The following ZC3H12B variants were observed in gnomAD, a reference collection of about 807,000 sequenced individuals.
ZC3H12B encodes the protein probable ribonuclease ZC3H12B.
A neutral mutation model predicts 43.9 loss-of-function variants in ZC3H12B; 7 were observed. That is an observed-to-expected ratio of 0.16 (90% CI 0.09 to 0.30). The LOEUF (loss-of-function observed/expected upper bound fraction) is 0.30. ZC3H12B is among the 10% of genes least tolerant of loss of function. The probability of loss-of-function intolerance (pLI) is 1.00; values close to 1 mark genes in which losing one functional copy is unlikely to be tolerated. For missense variants in ZC3H12B, 475 were observed against 670.2 expected, an observed-to-expected ratio of 0.71 and a Z score of 3.22; for synonymous variants, 222 against 241.7, an observed-to-expected ratio of 0.92 and a Z score of 0.76.
the ZC3H12B span, among the ~76,000 whole-genome samples, chrX:65,053,678 G>A: frequency 5.4e-5 from 6 of 111,273 alleles, no homozygotes; most frequent in African/African-American, 1.6e-4. Flanking sequence ...CTGAGGAATC[G>A]CCACACTGAC....
intron 3 of ZC3H12B, among the ~76,000 whole-genome samples, chrX:65,451,014 C>G (rs149107990): frequency 1.0e-3 from 112 of 107,038 alleles, no homozygotes; most frequent in African/African-American, 3.8e-3. Flanking sequence ...GTGGTGCGAT[C>G]TCACCTCACT....
the ZC3H12B span, among the ~76,000 whole-genome samples, chrX:65,141,777 A>G: frequency 9.0e-6 from 1 of 111,259 alleles, no homozygotes; most frequent in Non-Finnish European, 1.9e-5. Flanking sequence ...TTGGTTTTCC[A>G]TTCCTGAGTT....
At chrX:65,334,082 C>T in the ZC3H12B span, among the ~76,000 whole-genome samples, 1 of 111,832 alleles carries the variant, frequency 8.9e-6, no homozygotes, top group African/African-American at 3.2e-5. Flanking sequence ...TGATGTCAAA[C>T]CTAATTCTTA....
chrX:65,142,425 T>C, the ZC3H12B span, among the ~76,000 whole-genome samples: 1 of 112,505 alleles, frequency 8.9e-6, no homozygotes, highest in African/African-American at 3.2e-5. Context: ...ATGTATGGAT[T>C]GTTAAAGAAT....
intron 2 of ZC3H12B, among the ~76,000 whole-genome samples, chrX:65,384,360 G>A (rs781044404): frequency 3.6e-5 from 4 of 110,601 alleles, no homozygotes; most frequent in South Asian, 3.9e-4. Context: ...CACACTCCGG[G>A]GACTGTTGTG....
At chrX:65,258,512 C>T in the ZC3H12B span, among the ~76,000 whole-genome samples, 2 of 111,589 alleles carry the variant, frequency 1.8e-5, no homozygotes, top group African/African-American at 6.5e-5. Flanking sequence ...TGGAAGAAGA[C>T]AAGGATGTGC....
the ZC3H12B span, among the ~76,000 whole-genome samples, chrX:65,166,313 C>T: frequency 0.083 from 9,164 of 110,755 alleles, 1,021 homozygotes; most frequent in African/African-American, 0.29. Flanking sequence ...TCTGTCCTTG[C>T]GATAGTTTCC....
the ZC3H12B span, among the ~76,000 whole-genome samples, chrX:65,330,326 G>T: frequency 9.0e-6 from 1 of 111,584 alleles, no homozygotes. Flanking sequence ...GGGTTTTCTA[G>T]ATATACAATC....
the ZC3H12B span, among the ~76,000 whole-genome samples, chrX:65,060,863 G>A: frequency 1.8e-5 from 2 of 111,557 alleles, no homozygotes; most frequent in Non-Finnish European, 3.8e-5. Flanking sequence ...TTCAATGTTT[G>A]GTAGAAATCA....
At chrX:65,043,680 CA>C in the ZC3H12B span, among the ~76,000 whole-genome samples, 1 of 110,914 alleles carries the variant, frequency 9.0e-6, no homozygotes, top group South Asian at 3.7e-4. Context: ...AGAGGTAAAG[CA>C]AAACAATTTC....
At chrX:65,279,361 TTTGG>T in the ZC3H12B span, among the ~76,000 whole-genome samples, 1 of 108,835 alleles carries the variant, frequency 9.2e-6, no homozygotes. Context: ...TGGTATTAAT[TTTGG>T]TTTGATTTGC....
the ZC3H12B span, among the ~76,000 whole-genome samples, chrX:65,246,480 T>C: frequency 8.9e-6 from 1 of 111,813 alleles, no homozygotes; most frequent in South Asian, 3.7e-4. Context: ...AGAATAAAGC[T>C]GGAGGCATAA....
At chrX:65,093,219 T>C in the ZC3H12B span, among the ~76,000 whole-genome samples, 3 of 111,470 alleles carry the variant, frequency 2.7e-5, no homozygotes, top group African/African-American at 9.8e-5. Flanking sequence ...TCAGAAGATG[T>C]ATGGAAAAGC....
the ZC3H12B span, among the ~76,000 whole-genome samples, chrX:65,073,729 G>A: frequency 5.1e-4 from 57 of 111,937 alleles, no homozygotes; most frequent in African/African-American, 1.8e-3. Flanking sequence ...GTCCGTGGTG[G>A]GAGAGGGGTC....
intron 3 of ZC3H12B, among the ~76,000 whole-genome samples, chrX:65,477,565 AAGGTGGGTGGAT>A (rs2068010583): frequency 9.0e-6 from 1 of 111,374 alleles, no homozygotes; most frequent in Non-Finnish European, 1.9e-5. Context: ...TTGGGAGGCC[AAGGTGGGTGGAT>A]CACCTGAGGT....
the ZC3H12B span, among the ~76,000 whole-genome samples, chrX:65,342,494 A>G: frequency 8.9e-6 from 1 of 112,274 alleles, no homozygotes; most frequent in Non-Finnish European, 1.9e-5. Context: ...TTAGAAGTCA[A>G]GACTAAGAAA....
At chrX:65,060,678 TTGTC>T in the ZC3H12B span, among the ~76,000 whole-genome samples, 3 of 112,030 alleles carry the variant, frequency 2.7e-5, no homozygotes, top group South Asian at 7.4e-4. Context: ...TGATCTATCT[TTGTC>T]TGTCTTTGGC....
the ZC3H12B span, chrX:65,272,714 T>A: frequency 8.9e-6 from 1 of 111,938 alleles, no homozygotes; most frequent in Non-Finnish European, 1.9e-5. Flanking sequence ...GCTCTAAAAT[T>A]ACCTGAATAT....
At chrX:65,233,426 C>G in the ZC3H12B span, among the ~76,000 whole-genome samples, 1 of 109,072 alleles carries the variant, frequency 9.2e-6, no homozygotes, top group African/African-American at 3.3e-5. Flanking sequence ...AATAAAACTA[C>G]AAATCAATAA....
Sources: allele counts gnomAD v4.1 joint callset (sites outside exome capture counted in the v4.1 genomes callset), GRCh38; gene constraint gnomAD v4.1.1; transcripts MANE v1.5; gene names NCBI Gene and HGNC (gene_info 2026-07-23, HGNC 2026-07-21).